ECT2: variants seen among roughly 807,000 people sequenced by gnomAD.
The protein encoded by ECT2 is protein ECT2.
Under a neutral mutation model 116.9 loss-of-function variants are expected in ECT2, and 61 were observed. The observed-to-expected ratio is 0.52, with a 90% confidence interval of 0.42 to 0.65. The LOEUF (loss-of-function observed/expected upper bound fraction) is 0.65. Among genes scored for constraint, ECT2 ranks in the 30% least tolerant of loss-of-function variants. The pLI, the probability that ECT2 is intolerant of heterozygous loss-of-function variation, is 0.00. For missense variants in ECT2, 937 were observed against 1,078.7 expected (o/e 0.87, Z 1.84); for synonymous variants, 358 against 346.4 (o/e 1.03, Z -0.37).
chr3:172,761,920 A>T (rs996666678), intron 8 of ECT2, among the ~76,000 whole-genome samples: 1 of 152,150 alleles, frequency 6.6e-6, no homozygotes, highest in Non-Finnish European at 1.5e-5. Flanking sequence ...TATTATAAAC[A>T]TTCTGAAATT....
chr3:172,784,046 G>C (rs563688201), intron 16 of ECT2, 137 bp downstream of exon 16: 1 of 596,682 alleles, frequency 1.7e-6, no homozygotes, highest in African/African-American at 1.9e-5. Flanking sequence ...TTGTACTTAT[G>C]GGTGACCATG....
At chr3:172,753,199 A>C (rs1716280188) in intron 1 of ECT2, among the ~76,000 whole-genome samples, 1 of 152,168 alleles carries the variant, frequency 6.6e-6, no homozygotes, top group Non-Finnish European at 1.5e-5. Flanking sequence ...TCCTGGATTC[A>C]AGTGATTCGC....
In ECT2 at chr3:172,796,847, T is replaced by C. The variant is rs149728601; in HGVS notation, c.1908-5769T>C. 2.7e-3 allele frequency among the ~76,000 whole-genome samples: 413 copies of C among 152,134 alleles called. 2 individuals carry two copies. The highest frequency in any genetic ancestry group is 9.3e-3 in the African/African-American group (388 of 41,524). Reference sequence around the variant, plus strand: ...ACGCCCTGCTAATTTTTAGTAGATATGAGGTTTCGCTATGTTGGCCAGGCT... The same window carrying C: ...ACGCCCTGCTAATTTTTAGTAGATACGAGGTTTCGCTATGTTGGCCAGGCT... On this transcript the variant is annotated intron_variant, in intron 18 of 24. Coordinates refer to ENST00000392692, the MANE Select transcript of ECT2 (RefSeq NM_001258315.2).
chr3:172,783,936 A>T, intron 16 of ECT2, 27 bp downstream of exon 16: 1 of 1,446,450 alleles, frequency 6.9e-7, no homozygotes. Flanking sequence ...TCAAATAAAA[A>T]TTTGAGAATT....
At chr3:172,783,120 A>G (rs932140193) in intron 15 of ECT2, among the ~76,000 whole-genome samples, 1 of 152,158 alleles carries the variant, frequency 6.6e-6, no homozygotes, top group African/African-American at 2.4e-5. Flanking sequence ...GAACCACACA[A>G]CTTAAGTTTT....
intron 14 of ECT2, 109 bp from the exon 15 acceptor site, chr3:172,782,054 T>G: frequency 2.0e-6 from 1 of 509,870 alleles, no homozygotes; most frequent in Non-Finnish European, 3.3e-6. Context: ...CACATCAAAT[T>G]AAGACACTTT....
At chr3:172,800,681 A>G (rs1379349069) in intron 18 of ECT2, among the ~76,000 whole-genome samples, 1 of 152,162 alleles carries the variant, frequency 6.6e-6, no homozygotes, top group Non-Finnish European at 1.5e-5. Context: ...TATTTTTCAT[A>G]TAAAACATTG....
chr3:172,824,546 A>G (rs1390121957), downstream of ECT2, among the ~76,000 whole-genome samples: 1 of 152,206 alleles, frequency 6.6e-6, no homozygotes, highest in Admixed American at 6.5e-5. Flanking sequence ...TGGGGTTTAC[A>G]TTTCAACATG....
Position 172,773,990 on chromosome 3 carries a change from C to G in ECT2, c.1516C>G (p.Pro506Ala). 6.2e-7 allele frequency: 1 copy of G among 1,612,792 alleles called. No homozygotes were observed. The highest frequency in any genetic ancestry group is 1.1e-5 in the South Asian group (1 of 91,028). ...GATTAAGACTATTTTTGGTAGCATC[C>G]CAGATATCTTTGATGTACACACTAA... Reference protein sequence around the residue: ...EEIKTIFGSIPDIFDVHTKIK... With the variant: ...EEIKTIFGSIADIFDVHTKIK... Residue 506 changes from proline (P) to alanine (A), a missense_variant, in exon 14 of 25, where the codon CCA (proline) becomes GCA (alanine). Pro to Ala is a conservative substitution (Grantham distance 27, BLOSUM62 -1). Transcript: ENST00000392692.
intron 18 of ECT2, among the ~76,000 whole-genome samples, chr3:172,787,207 T>G (rs1723755177): frequency 6.6e-6 from 1 of 152,170 alleles, no homozygotes; most frequent in African/African-American, 2.4e-5. Context: ...GAAGGCACTT[T>G]AAGTGGACTG....
chr3:172,818,950 A>G, intron 24 of ECT2: 5 of 670,232 alleles, frequency 7.5e-6, no homozygotes, highest in South Asian at 7.0e-5. Flanking sequence ...ATTAATAACA[A>G]TTTAGGTTTA....
At chr3:172,785,453 G>A (rs1167975188) in intron 17 of ECT2, among the ~76,000 whole-genome samples, 1 of 151,558 alleles carries the variant, frequency 6.6e-6, no homozygotes, top group Non-Finnish European at 1.5e-5. Context: ...GGAAGACCGA[G>A]GGTAAGCCCA....
At chr3:172,828,383 C>T in the ECT2 span, among the ~76,000 whole-genome samples, 1 of 145,148 alleles carries the variant, frequency 6.9e-6, no homozygotes, top group Admixed American at 6.7e-5. Flanking sequence ...TAAAACGTGA[C>T]TAATTGTTTC....
chr3:172,759,822 G>A (rs933026356), intron 6 of ECT2, among the ~76,000 whole-genome samples: 3 of 152,086 alleles, frequency 2.0e-5, no homozygotes, highest in African/African-American at 4.8e-5. Flanking sequence ...GAACAGTCTT[G>A]ATGTGATAAA....
At chr3:172,800,859 T>C (rs1726584260) in intron 18 of ECT2, among the ~76,000 whole-genome samples, 1 of 152,156 alleles carries the variant, frequency 6.6e-6, no homozygotes, top group African/African-American at 2.4e-5. Flanking sequence ...TACAAGAAAA[T>C]CTTGAAGAAC....
Position 172,758,194 on chromosome 3 carries a change from C to T in ECT2, c.487-786C>T, listed in dbSNP as rs180863866. 4.2e-3 allele frequency among the ~76,000 whole-genome samples: 640 copies of T among 152,168 alleles called. 3 individuals carry two copies. Among genetic ancestry groups the T allele is most frequent in the Non-Finnish European group, 6.3e-3 (425 of 67,994 alleles). ...TTTTAAACAGCATTTCAATATGAGT[C>T]GTATGAGAGTTAGTCCCTATTTGGT... On this transcript the variant is annotated intron_variant, in intron 5 of 24. Transcript: ENST00000392692.
At chr3:172,815,475 T>C in intron 22 of ECT2, 129 bp from the exon 23 acceptor site, 3 of 582,672 alleles carry the variant, frequency 5.1e-6, no homozygotes, top group Non-Finnish European at 9.1e-6. Flanking sequence ...GTAGAAGTTA[T>C]ATCAAGCACA....
intron 18 of ECT2, among the ~76,000 whole-genome samples, chr3:172,801,855 C>T (rs1256081292): frequency 6.6e-6 from 1 of 152,154 alleles, no homozygotes; most frequent in Non-Finnish European, 1.5e-5. Context: ...TAAATTCATT[C>T]CCTGTTATTC....
rs761463486 is a variant in ECT2, at chr3:172,807,874, C to T, written c.2350C>T (p.Leu784=). 4.3e-6 allele frequency: 7 copies of T among 1,613,874 alleles called. No homozygotes were observed. In the South Asian group the frequency reaches 6.6e-5, roughly 15 times the overall value. ...TSDELPKENW[L]KMLCRHVANT... is the part of the protein sequence containing the mutation. ...AGATGAACTTCCAAAAGAAAACTGG[C>T]TAAAGATGCTGTGTCGACATGTAGC... Residue 784 remains leucine (L), a synonymous_variant, in exon 22 of 25, where the codon CTA becomes TTA. Transcript: ENST00000392692.
Sources: gnomAD v4.1 joint callset for allele counts (sites outside exome capture counted in the v4.1 genomes callset) on GRCh38, gnomAD v4.1.1 for gene constraint, MANE v1.5 for transcripts, NCBI Gene and HGNC (gene_info 2026-07-23, HGNC 2026-07-21) for gene names.